Variants in INTU observed in about 807,000 individuals in gnomAD.
The protein encoded by INTU is protein inturned.
In INTU, 68 loss-of-function variants were observed where a neutral mutation model predicts 100.5. That is an observed-to-expected ratio of 0.68 (90% confidence interval 0.56 to 0.83). The LOEUF is 0.83. Ranked by LOEUF, INTU falls within the 40% of genes least tolerant of loss-of-function variation. The pLI is 0.00. For missense variants in INTU, 1,071 were observed against 1,114.7 expected, an observed-to-expected ratio of 0.96 and a Z score of 0.56; for synonymous variants, 357 against 395.7, an observed-to-expected ratio of 0.90 and a Z score of 1.16.
intron 3 of INTU, 80 bp from the exon 4 acceptor site, chr4:127,663,301 C>T: frequency 1.0e-6 from 1 of 990,876 alleles, no homozygotes; most frequent in Non-Finnish European, 1.6e-6. Context: ...GGTGTATGTA[C>T]ATGCACAGAT....
At chr4:127,656,772 T>G (rs765060570) in intron 3 of INTU, 51 bp downstream of exon 3, 11 of 1,171,892 alleles carry the variant, frequency 9.4e-6, no homozygotes, top group Non-Finnish European at 1.4e-5. Context: ...AATAAATATA[T>G]AAATATATCG....
chr4:127,709,997 G>A (rs1026912936), intron 13 of INTU, among the ~76,000 whole-genome samples: 1 of 151,960 alleles, frequency 6.6e-6, no homozygotes, highest in Admixed American at 6.6e-5. Flanking sequence ...ACCTTTTATG[G>A]AACCCAAAAG....
intron 12 of INTU, among the ~76,000 whole-genome samples, chr4:127,707,999 C>A (rs1730958187): frequency 6.6e-6 from 1 of 152,212 alleles, no homozygotes; most frequent in African/African-American, 2.4e-5. Flanking sequence ...GCAATCTCCT[C>A]ATACCAAACA....
chr4:127,721,471 T>C lies in INTU; in HGVS notation c.*5035T>C, dbSNP rs568684315. The C allele has an allele frequency of 1.3e-5, 2 of 152,230 alleles. No homozygotes were observed. The highest frequency in any genetic ancestry group is 4.1e-4 in the South Asian group (2 of 4,822). 9.4% of individuals were successfully genotyped at this position (152,230 alleles called of 1,614,324 possible). On this transcript the variant is annotated 3_prime_UTR_variant, in exon 16 of 16. Coordinates refer to ENST00000335251, the MANE Select transcript of INTU (RefSeq NM_015693.4). ...GTCTTGGGGTTGATCTCATGGAGTATTGTATTGGGGTTCTCTGGATTTCCT... is the reference window on the plus strand; with the variant it reads ...GTCTTGGGGTTGATCTCATGGAGTACTGTATTGGGGTTCTCTGGATTTCCT...
intron 9 of INTU, 127 bp from the exon 10 acceptor site, chr4:127,704,101 T>G (rs1041988401): frequency 1.4e-6 from 1 of 690,250 alleles, no homozygotes; most frequent in African/African-American, 1.8e-5. Flanking sequence ...TATTGATTTC[T>G]AAAGATGGCA....
rs1730856542 is a variant in INTU at position 127,705,812 on chromosome 4, G to A, written c.1788G>A (p.Leu596=). The change falls in exon 11 of 16, where the codon TTG becomes TTA. Residue 596 remains leucine, a splice_region_variant and synonymous_variant. Transcript: ENST00000335251. ...GATATTTTTTGCTAGTTGTTGGCTT[G>A]GTAAGTTTACCTCAGCTTCTTTCTT... ...EGRYFLLVVG[L]KHYMLCVLLE... is the part of the protein sequence containing the mutation. The A allele has an allele frequency of 6.2e-7, 1 of 1,612,360 alleles. No individual in the cohort carries two copies.
At chr4:127,633,299 A>G (rs749197519) in intron 1 of INTU, 119 bp downstream of exon 1, 16 of 1,012,658 alleles carry the variant, frequency 1.6e-5, no homozygotes, top group Admixed American at 6.7e-5. Flanking sequence ...GGGTTCTATA[A>G]TAAGTGGGAT....
chr4:127,656,996 A>G (rs1728259521), intron 3 of INTU, among the ~76,000 whole-genome samples: 1 of 152,228 alleles, frequency 6.6e-6, no homozygotes, highest in Non-Finnish European at 1.5e-5. Context: ...ACTTGCCATT[A>G]TAACTACCAT....
At chr4:127,672,166 A>G (rs996975347) in intron 5 of INTU, among the ~76,000 whole-genome samples, 1 of 152,194 alleles carries the variant, frequency 6.6e-6, no homozygotes, top group Non-Finnish European at 1.5e-5. Flanking sequence ...TTTAAAGTGT[A>G]CAAGTAAATG....
chr4:127,663,631 C>G lies in INTU; in HGVS notation c.972+47C>G, dbSNP rs1473056068. ...AAGGAAATAAGTTTAGTCAAAAGCCCAAAGGAAAAAGTAAGGACCTTTTAT... is the reference window on the plus strand; with the variant it reads ...AAGGAAATAAGTTTAGTCAAAAGCCGAAAGGAAAAAGTAAGGACCTTTTAT... On this transcript the variant is annotated intron_variant, in intron 4 of 15. Transcript: ENST00000335251. 3 of 1,504,958 alleles carry G rather than the reference C, an allele frequency of 2.0e-6. No individual in the cohort carries two copies. The Admixed American group carries it at 5.4e-5, about 27-fold the overall frequency. The allele number at this position is 1,504,958 out of a possible 1,614,324, so 93.2% of individuals were successfully genotyped here.
At chr4:127,650,019 C>T (rs144725590) in intron 2 of INTU, among the ~76,000 whole-genome samples, 5 of 152,028 alleles carry the variant, frequency 3.3e-5, no homozygotes, top group Non-Finnish European at 5.9e-5. Context: ...GGAAAACATA[C>T]ACATTTCTTT....
intron 13 of INTU, among the ~76,000 whole-genome samples, chr4:127,709,140 A>G (rs900190778): frequency 1.3e-5 from 2 of 152,186 alleles, no homozygotes; most frequent in Non-Finnish European, 2.9e-5. Context: ...CTAAGGTTAC[A>G]TTCCTCCCTG....
intron 8 of INTU, among the ~76,000 whole-genome samples, chr4:127,688,872 AT>A (rs979447910): frequency 6.8e-6 from 1 of 148,098 alleles, no homozygotes; most frequent in Non-Finnish European, 1.5e-5. Flanking sequence ...GCCTTCTGGT[AT>A]TTTTTTTGTC....
intron 1 of INTU, among the ~76,000 whole-genome samples, chr4:127,639,317 G>A (rs1278443238): frequency 1.3e-5 from 2 of 152,062 alleles, no homozygotes; most frequent in African/African-American, 2.4e-5. Context: ...GGTAGTGTCT[G>A]CCAGGTCTCT....
chr4:127,666,751 G>A (rs1405043773), intron 4 of INTU, among the ~76,000 whole-genome samples: 2 of 152,194 alleles, frequency 1.3e-5, no homozygotes, highest in East Asian at 3.8e-4. Context: ...TACAGCGCAA[G>A]GGTCTCTCAG....
intron 3 of INTU, among the ~76,000 whole-genome samples, chr4:127,657,411 G>A (rs1450386098): frequency 1.3e-5 from 2 of 151,980 alleles, no homozygotes; most frequent in African/African-American, 2.4e-5. Flanking sequence ...TCTCTTTTTG[G>A]GGGGATAGGG....
intron 1 of INTU, among the ~76,000 whole-genome samples, chr4:127,641,754 G>T (rs1196748396): frequency 6.6e-6 from 1 of 152,062 alleles, no homozygotes; most frequent in African/African-American, 2.4e-5. Flanking sequence ...TATAATTCTG[G>T]TACTTACCAT....
intron 8 of INTU, among the ~76,000 whole-genome samples, chr4:127,688,565 A>G (rs1729942093): frequency 6.6e-6 from 1 of 152,202 alleles, no homozygotes; most frequent in Admixed American, 6.6e-5. Flanking sequence ...GCTATGTTAC[A>G]GTAGAAACCT....
Position 127,716,869 on chromosome 4 carries a change from T to A in INTU, c.*433T>A, listed in dbSNP as rs1163566314. The A allele has an allele frequency of 1.3e-5, 2 of 152,422 alleles. No homozygotes were observed. Among genetic ancestry groups the A allele is most frequent in the African/African-American group, 2.4e-5 (1 of 41,442 alleles). The allele number at this position is 152,422 out of a possible 1,614,324, so 9.4% of individuals were successfully genotyped here. On this transcript the variant is annotated 3_prime_UTR_variant, in exon 16 of 16. Coordinates refer to ENST00000335251, the MANE Select transcript of INTU (RefSeq NM_015693.4). ...GGAGCAGGTGACCAGGTGCTGTAACTAAGTAGTGCTATGACCATGAGCAAG... is the reference window on the plus strand; with the variant it reads ...GGAGCAGGTGACCAGGTGCTGTAACAAAGTAGTGCTATGACCATGAGCAAG...
Sources: allele counts gnomAD v4.1 joint callset (sites outside exome capture counted in the v4.1 genomes callset), GRCh38; gene constraint gnomAD v4.1.1; transcripts MANE v1.5; gene names NCBI Gene and HGNC (gene_info 2026-07-23, HGNC 2026-07-21).